Variants in NOP53 observed in about 807,000 individuals in gnomAD.
The protein encoded by NOP53 is NOP53 ribosome biogenesis factor.
Under a neutral mutation model 61.0 loss-of-function variants are expected in NOP53, and 40 were observed. The ratio of observed to expected loss-of-function variants is 0.66; its 90% CI spans 0.51 to 0.85. NOP53 has a LOEUF of 0.85. Among genes scored for constraint, NOP53 ranks in the 40% least tolerant of loss-of-function variants. NOP53 has a pLI of 0.00. For synonymous variants in NOP53, 308 were observed against 289.5 expected (o/e 1.06, Z -0.65); for missense variants, 689 against 652.9 (o/e 1.06, Z -0.60).
chr19:47,752,508 A>G lies in NOP53; in HGVS notation c.670-4A>G, dbSNP rs200936841. 79 of 1,591,096 alleles carry G rather than the reference A, an allele frequency of 5.0e-5. No homozygotes were observed. Among genetic ancestry groups the G allele is most frequent in the Non-Finnish European group, 6.6e-5 (77 of 1,166,204 alleles). On this transcript the variant is annotated splice_region_variant and splice_polypyrimidine_tract_variant and intron_variant, in intron 5 of 12. Coordinates refer to ENST00000246802, the MANE Select transcript of NOP53 (RefSeq NM_015710.5). ...CTTACCCTGCCTCGGCCTTTTCTCC[A>G]CAGCGGCCAGCACGCCTGCACACCA...
At position 47,756,552 on chromosome 19, in the gene NOP53, C is replaced by T. The variant is rs777866172; in HGVS notation, c.1321C>T (p.Arg441Trp). ...LKPEGNILRD[R>W]FKSFQRRNMI... ...GCCCGAGGGCAACATCCTTCGAGAC[C>T]GGTTCAAGAGCTTCCAGAGGAGGAA... Residue 441 changes from arginine to tryptophan, a missense_variant, in exon 11 of 13, where the codon CGG (arginine) becomes TGG (tryptophan). Physicochemically the swap from Arg to Trp is moderately radical, Grantham distance 101 (BLOSUM62 -3). Transcript: ENST00000246802. 6.8e-6 allele frequency: 11 copies of T among 1,613,980 alleles called. No individual in the cohort carries two copies. The highest frequency in any genetic ancestry group is 5.3e-5 in the African/African-American group (4 of 75,042).
At chr19:47,746,711 C>T (rs1967068918) in intron 1 of NOP53, 5 of 353,758 alleles carry the variant, frequency 1.4e-5, no homozygotes, top group Non-Finnish European at 2.6e-5. Context: ...CCATGTTGGC[C>T]AGGCTGCTCT....
chr19:47,755,611 G>GC (rs1967185635), intron 9 of NOP53, 88 bp downstream of exon 9: 2 of 1,369,736 alleles, frequency 1.5e-6, no homozygotes, highest in Admixed American at 2.3e-5. Flanking sequence ...TTCAGGAACT[G>GC]CCCACCCCCC....
chr19:47,756,884 C>A, intron 12 of NOP53, 115 bp from the exon 13 acceptor site: 1 of 1,533,992 alleles, frequency 6.5e-7, no homozygotes, highest in Non-Finnish European at 9.0e-7. Context: ...GGCCCTGAAA[C>A]CAGAGCGGGG....
chr19:47,748,330 A>C (rs887485737), intron 2 of NOP53, among the ~76,000 whole-genome samples: 1 of 152,070 alleles, frequency 6.6e-6, no homozygotes, highest in African/African-American at 2.4e-5. Flanking sequence ...GGATCTGCTG[A>C]AACAAGATGA....
At chr19:47,746,099 T>C (rs1038398947) in intron 1 of NOP53, 8 of 365,146 alleles carry the variant, frequency 2.2e-5, no homozygotes, top group South Asian at 8.3e-5. Flanking sequence ...TTTCTAAATA[T>C]GTGTGTGTGT....
chr19:47,747,250 T>C (rs966169130), intron 2 of NOP53, among the ~76,000 whole-genome samples: 4 of 152,156 alleles, frequency 2.6e-5, no homozygotes, highest in African/African-American at 7.2e-5. Context: ...GTGATCTCCA[T>C]GCACAGATAA....
intron 2 of NOP53, among the ~76,000 whole-genome samples, chr19:47,748,129 C>G (rs1215488861): frequency 1.3e-5 from 2 of 150,450 alleles, no homozygotes; most frequent in South Asian, 2.1e-4. Context: ...TTCATCATGT[C>G]AGCTAGGCTG....
At chr19:47,750,367 G>C (rs542991131) in intron 3 of NOP53, 81 bp downstream of exon 3, 1 of 854,196 alleles carries the variant, frequency 1.2e-6, no homozygotes, top group East Asian at 2.6e-5. Flanking sequence ...GGGCTGGTAG[G>C]TGAGGGTCAT....
intron 2 of NOP53, among the ~76,000 whole-genome samples, chr19:47,749,292 G>A (rs955665222): frequency 3.3e-5 from 5 of 152,198 alleles, no homozygotes; most frequent in African/African-American, 1.2e-4. Flanking sequence ...TTACCGGCGT[G>A]CTTTGGCGAG....
intron 1 of NOP53, chr19:47,746,756 G>A: frequency 2.2e-6 from 1 of 454,982 alleles, no homozygotes; most frequent in Non-Finnish European, 4.0e-6. Context: ...ACCCGCCTGG[G>A]CCTCCCAAAG....
At chr19:47,752,381 C>T (rs577370612) in intron 5 of NOP53, 131 bp from the exon 6 acceptor site, 6 of 629,790 alleles carry the variant, frequency 9.5e-6, no homozygotes, top group South Asian at 9.0e-5. Context: ...TCTGGAGTCA[C>T]CTGAATGCCC....
intron 6 of NOP53, 140 bp downstream of exon 6, chr19:47,752,747 CAA>C (rs1967140530): frequency 1.6e-6 from 1 of 623,250 alleles, no homozygotes; most frequent in African/African-American, 1.8e-5. Flanking sequence ...CGGTCCAGTG[CAA>C]GAGACCTGTT....
rs118046816 is a variant in NOP53 at position 47,754,911 on chromosome 19, G to A, written c.1053+20G>A. Reference sequence around the variant, plus strand: ...AGGCTGGTGAGCGCCTGGGCCAGCGGGGCCTGCCTCTGATGCCTCGCCCCC... The same window carrying A: ...AGGCTGGTGAGCGCCTGGGCCAGCGAGGCCTGCCTCTGATGCCTCGCCCCC... On this transcript the variant is annotated intron_variant, in intron 8 of 12. Coordinates refer to ENST00000246802, the MANE Select transcript of NOP53 (RefSeq NM_015710.5). This position sits in a 1 kb window ranked among gnomAD's most constrained non-coding sequence, Gnocchi z 4.2. The A allele has an allele frequency of 0.041, 60,936 of 1,488,006 alleles. 1,425 individuals carry two copies. The highest frequency in any genetic ancestry group is 0.045 in the Non-Finnish European group (51,305 of 1,129,902). The allele number at this position is 1,488,006 out of a possible 1,614,324, so 92.2% of individuals were successfully genotyped here.
At chr19:47,750,411 G>A (rs113342153) in intron 3 of NOP53, 125 bp downstream of exon 3, 9 of 650,744 alleles carry the variant, frequency 1.4e-5, no homozygotes, top group African/African-American at 5.4e-5. Flanking sequence ...TTTGGGCTTC[G>A]GAGTGCAGAT....
In NOP53 at chr19:47,745,783, G is replaced by T; in HGVS notation, c.224G>T (p.Gly75Val). The part of the protein sequence containing the change: ...EDVRLQERTS[G>V]GLLSEAPNEK... ...GTGCGGCTACAGGAGCGCACGAGCGGGTACGTTGGGCGGGACTTCCGGGAG... is the reference window on the plus strand; with the variant it reads ...GTGCGGCTACAGGAGCGCACGAGCGTGTACGTTGGGCGGGACTTCCGGGAG... The change falls in exon 1 of 13, where the codon GGT (glycine) becomes GTT (valine). Residue 75 changes from glycine to valine, a missense_variant and splice_region_variant. Physicochemically the swap from Gly to Val is moderately radical, Grantham distance 109. Coordinates refer to ENST00000246802, the MANE Select transcript of NOP53 (RefSeq NM_015710.5). 1 of 1,536,752 alleles carries T rather than the reference G, an allele frequency of 6.5e-7. No individual in the cohort carries two copies. Among genetic ancestry groups the T allele is most frequent in the Non-Finnish European group, 8.7e-7 (1 of 1,143,018 alleles).
chr19:47,755,133 G>GA lies in NOP53; in HGVS notation c.1054-214dup, dbSNP rs999583062. ...TTCTGTTTGAGGGGCGGGGTGGGGG[G>GA]AGGTTTCTGCACCGCAGACCAGGGG... is the stretch of plus-strand genomic sequence containing the variant. On this transcript the variant is annotated intron_variant, in intron 8 of 12. Coordinates refer to ENST00000246802, the MANE Select transcript of NOP53 (RefSeq NM_015710.5). 3.9e-5 allele frequency among the ~76,000 whole-genome samples: 6 copies of GA among 152,120 alleles called. 1 individual carries two copies. Among genetic ancestry groups the GA allele is most frequent in the Non-Finnish European group, 7.3e-5 (5 of 68,030 alleles).
chr19:47,747,083 C>A, intron 2 of NOP53, 52 bp downstream of exon 2: 1 of 1,375,458 alleles, frequency 7.3e-7, no homozygotes, highest in Non-Finnish European at 1.0e-6. Flanking sequence ...TGTTAGTCAG[C>A]TTACGGTAGC....
In NOP53 at chr19:47,745,772, G is replaced by C; in HGVS notation, c.213G>C (p.Glu71Asp). 1 of 1,560,932 alleles carries C rather than the reference G, an allele frequency of 6.4e-7. No homozygotes were observed. Among genetic ancestry groups the C allele is most frequent in the Non-Finnish European group, 8.7e-7 (1 of 1,154,448 alleles). Residue 71 changes from glutamate (E) to aspartate (D), a missense_variant, in exon 1 of 13, where the codon GAG becomes GAC. Coordinates refer to ENST00000246802, the MANE Select transcript of NOP53 (RefSeq NM_015710.5). Reference sequence around the variant, plus strand: ...TCCTGGAAGACGTGCGGCTACAGGAGCGCACGAGCGGGTACGTTGGGCGGG... The same window carrying C: ...TCCTGGAAGACGTGCGGCTACAGGACCGCACGAGCGGGTACGTTGGGCGGG... ...DQFLEDVRLQ[E>D]RTSGGLLSEA...
Sources: gnomAD v4.1 joint callset for allele counts (sites outside exome capture counted in the v4.1 genomes callset) on GRCh38, gnomAD v4.1.1 for gene constraint, Gnocchi (gnomAD v3.1) non-coding constraint, MANE v1.5 for transcripts, NCBI Gene and HGNC (gene_info 2026-07-23, HGNC 2026-07-21) for gene names.